The following TTC21B variants were observed in gnomAD, a reference collection of about 807,000 sequenced individuals.
The protein encoded by TTC21B is tetratricopeptide repeat domain 21B.
In TTC21B, 127 loss-of-function variants were observed where a neutral mutation model predicts 175.1. The observed-to-expected ratio is 0.73, with a 90% CI of 0.63 to 0.84. TTC21B has a LOEUF of 0.84. Ranked by LOEUF, TTC21B falls within the 40% of genes least tolerant of loss-of-function variation. The pLI, the probability that TTC21B is intolerant of heterozygous loss-of-function variation, is 0.00. For missense variants in TTC21B, 1,561 were observed against 1,558.3 expected (o/e 1.00, Z -0.03); for synonymous variants, 524 against 524.5 (o/e 1.00, Z 0.01).
rs756913474 is a variant in TTC21B at position 165,932,983 on chromosome 2, T to A, written c.785A>T (p.Asp262Val). 49 of 1,612,704 alleles carry A rather than the reference T, an allele frequency of 3.0e-5. No homozygotes were observed. In the East Asian group the frequency reaches 9.4e-4, roughly 31 times the overall value. Residue 262 changes from aspartate (D) to valine (V), a missense_variant, in exon 7 of 29, where the codon GAT (aspartate) becomes GTT (valine). By Grantham distance (152) the Asp-to-Val change is radical. Coordinates refer to ENST00000243344, the MANE Select transcript of TTC21B (RefSeq NM_024753.5). ...QALYYVCREG[D>V]IEKASTKLEN... ...TACAATGCCACTTACCTTCTCTATA[T>A]CCCCCTCTCTACACACATAGTAGAG... is the stretch of plus-strand genomic sequence containing the variant.
At position 165,880,704 on chromosome 2, in the gene TTC21B, A is replaced by G. The variant is rs769230631; in HGVS notation, c.3780T>C (p.Tyr1260=). 26 of 1,613,640 alleles carry G rather than the reference A, an allele frequency of 1.6e-5. No individual in the cohort carries two copies. The highest frequency in any genetic ancestry group is 6.7e-5 in the African/African-American group (5 of 75,036). Residue 1260 remains tyrosine (Y), a synonymous_variant, in exon 27 of 29, where the codon TAT becomes TAC. Coordinates refer to ENST00000243344, the MANE Select transcript of TTC21B (RefSeq NM_024753.5). ...AALNYEMAWK[Y]SNRTNPAVGY... Reference sequence around the variant, plus strand: ...CTACTGCCGGATTTGTCCGATTGCTATATTTCCATGCCATCTCATAGTTCA... The same window carrying G: ...CTACTGCCGGATTTGTCCGATTGCTGTATTTCCATGCCATCTCATAGTTCA...
chr2:165,888,625 C>T (rs1685088301), intron 24 of TTC21B, 151 bp from the exon 25 acceptor site: 2 of 670,976 alleles, frequency 3.0e-6, no homozygotes. Flanking sequence ...AAGAATGTCA[C>T]TCATTCTCTT....
chr2:165,919,555 C>T, intron 12 of TTC21B, 122 bp from the exon 13 acceptor site: 1 of 1,071,166 alleles, frequency 9.3e-7, no homozygotes, highest in Non-Finnish European at 1.4e-6. Flanking sequence ...TTAAAGTTTG[C>T]TGTTCATAGG....
At position 165,949,799 on chromosome 2, in the gene TTC21B, C is replaced by T. The variant is rs1247542077; in HGVS notation, c.22-75G>A. The T allele has an allele frequency of 2.5e-5, 36 of 1,428,886 alleles. No individual in the cohort carries two copies. The East Asian group carries it at 6.1e-4, about 24-fold the overall frequency. 88.5% of individuals were successfully genotyped at this position (1,428,886 alleles called of 1,614,324 possible). On this transcript the variant is annotated intron_variant, in intron 1 of 28. Transcript: ENST00000243344. ...AATACTCTAAGAAGCAGATAATAAT[C>T]TAACATCTAGAATAATGTAAAATTC...
chr2:165,941,419 A>G (rs982326088), intron 5 of TTC21B, among the ~76,000 whole-genome samples: 7 of 152,180 alleles, frequency 4.6e-5, no homozygotes, highest in Non-Finnish European at 8.8e-5. Flanking sequence ...ACATGATTAA[A>G]GGATAAAATT....
chr2:165,908,177 T>A (rs987683375), intron 18 of TTC21B, among the ~76,000 whole-genome samples: 1 of 152,180 alleles, frequency 6.6e-6, no homozygotes, highest in Non-Finnish European at 1.5e-5. Context: ...TCATAGATAT[T>A]TGATAAGCAA....
At chr2:165,948,727 G>A (rs1173910017) in intron 3 of TTC21B, 1 of 151,032 alleles carries the variant, frequency 6.6e-6, no homozygotes, top group Non-Finnish European at 1.5e-5. Flanking sequence ...TTTATTTTCT[G>A]TTTTTTTTTA....
chr2:165,925,559 C>T (rs1023502852), intron 11 of TTC21B, among the ~76,000 whole-genome samples: 2 of 152,128 alleles, frequency 1.3e-5, no homozygotes, highest in Non-Finnish European at 2.9e-5. Context: ...TATAATGAGC[C>T]ATTATTACCA....
intron 6 of TTC21B, among the ~76,000 whole-genome samples, chr2:165,934,297 C>A (rs1194728099): frequency 1.3e-5 from 2 of 151,174 alleles, no homozygotes; most frequent in Non-Finnish European, 2.9e-5. Flanking sequence ...AAAGAGCCAA[C>A]AAAACTGTTA....
intron 6 of TTC21B, among the ~76,000 whole-genome samples, chr2:165,936,269 T>C (rs1687138283): frequency 6.6e-6 from 1 of 151,926 alleles, no homozygotes; most frequent in Non-Finnish European, 1.5e-5. Context: ...ATGGAAAAAA[T>C]GAATATAGAT....
At chr2:165,876,592 AC>A (rs1684671125) in intron 27 of TTC21B, among the ~76,000 whole-genome samples, 1 of 152,232 alleles carries the variant, frequency 6.6e-6, no homozygotes, top group African/African-American at 2.4e-5. Flanking sequence ...ATTCATTTAT[AC>A]AGTACAGATT....
chr2:165,931,949 A>C (rs1686926407), intron 7 of TTC21B, 93 bp from the exon 8 acceptor site: 1 of 825,830 alleles, frequency 1.2e-6, no homozygotes, highest in African/African-American at 1.7e-5. Flanking sequence ...TTACCCTACT[A>C]GTATTTTAAA....
intron 27 of TTC21B, among the ~76,000 whole-genome samples, chr2:165,878,190 A>G (rs992657263): frequency 9.9e-5 from 15 of 152,240 alleles, no homozygotes; most frequent in Non-Finnish European, 1.9e-4. Flanking sequence ...AGCATTCACT[A>G]TATTATAATC....
chr2:165,895,516 T>A (rs1459606541), intron 22 of TTC21B, among the ~76,000 whole-genome samples: 1 of 152,184 alleles, frequency 6.6e-6, no homozygotes, highest in African/African-American at 2.4e-5. Context: ...TAAAGTTAGA[T>A]CATTGTCTCA....
At chr2:165,883,706 T>C (rs1437206037) in intron 26 of TTC21B, 88 bp downstream of exon 26, 6 of 1,059,424 alleles carry the variant, frequency 5.7e-6, no homozygotes, top group African/African-American at 4.7e-5. Flanking sequence ...ACAGGAATCC[T>C]TGGAAATGGA....
intron 17 of TTC21B, 44 bp downstream of exon 17, chr2:165,912,470 T>G (rs117845757): frequency 6.8e-7 from 1 of 1,477,212 alleles, no homozygotes. Flanking sequence ...CAGGGTATGA[T>G]AAATTTGATG....
At chr2:165,927,036 ATATATATGTG>A (rs2105339018) in intron 11 of TTC21B, among the ~76,000 whole-genome samples, 1 of 112,324 alleles carries the variant, frequency 8.9e-6, no homozygotes, top group African/African-American at 3.7e-5. Flanking sequence ...AGTTATATAT[ATATATATGTG>A]TATATATATA....
At chr2:165,931,586 T>C (rs1359445092) in intron 8 of TTC21B, among the ~76,000 whole-genome samples, 172 bp downstream of exon 8, 2 of 152,140 alleles carry the variant, frequency 1.3e-5, no homozygotes, top group African/African-American at 4.8e-5. Context: ...CATCAGGTTC[T>C]TACAGTTGGA....
chr2:165,890,644 G>C lies in TTC21B; in HGVS notation c.3102-4C>G, dbSNP rs750756355. On this transcript the variant is annotated splice_polypyrimidine_tract_variant and splice_region_variant and intron_variant, in intron 23 of 28. Transcript: ENST00000243344. The stretch of plus-strand genomic sequence containing the variant: ...ATCATTTGGTTCTCCAGTGTACCTT[G>C]TTAGATGTTTAAAAGAATTATTTAT... 5.0e-6 allele frequency: 8 copies of C among 1,613,016 alleles called. No homozygotes were observed. The Admixed American group carries it at 6.7e-5, about 13-fold the overall frequency.
Sources: allele counts gnomAD v4.1 joint callset (sites outside exome capture counted in the v4.1 genomes callset), GRCh38; gene constraint gnomAD v4.1.1; transcripts MANE v1.5; gene names NCBI Gene and HGNC (gene_info 2026-07-23, HGNC 2026-07-21).